TXK: variants seen among roughly 807,000 people sequenced by gnomAD.
TXK encodes TXK tyrosine kinase.
Under a neutral mutation model 81.0 loss-of-function variants are expected in TXK, and 60 were observed. The ratio of observed to expected loss-of-function variants is 0.74; its 90% CI spans 0.60 to 0.92. The LOEUF is 0.92. Among genes scored for constraint, TXK ranks in the 40% least tolerant of loss-of-function variants. The pLI, the probability that TXK is intolerant of heterozygous loss-of-function variation, is 0.00. For missense variants in TXK, 581 were observed against 638.3 expected (o/e 0.91, Z 0.97); for synonymous variants, 203 against 210.7 (o/e 0.96, Z 0.32).
chr4:48,082,394 C>T (rs1232731542), intron 10 of TXK, among the ~76,000 whole-genome samples: 2 of 152,194 alleles, frequency 1.3e-5, no homozygotes, highest in Non-Finnish European at 2.9e-5. Context: ...AACCTTCTAC[C>T]TGGAAGTTTC....
At chr4:48,113,068 A>T in intron 3 of TXK, 139 bp downstream of exon 3, 1 of 502,650 alleles carries the variant, frequency 2.0e-6, no homozygotes, top group Non-Finnish European at 3.5e-6. Flanking sequence ...CTTCTAGAAC[A>T]TTCCTTCACA....
At chr4:48,073,878 A>G in intron 13 of TXK, 57 bp downstream of exon 13, 1 of 1,143,786 alleles carries the variant, frequency 8.7e-7, no homozygotes, top group Non-Finnish European at 1.3e-6. Flanking sequence ...GTTAAAAATA[A>G]CACATTGCCC....
At chr4:48,103,867 C>T (rs1718296687) in intron 6 of TXK, among the ~76,000 whole-genome samples, 1 of 152,014 alleles carries the variant, frequency 6.6e-6, no homozygotes, top group African/African-American at 2.4e-5. Flanking sequence ...CAAGTTTATA[C>T]TTGACTGCCT....
chr4:48,086,676 A>C (rs1343183669), intron 9 of TXK, 39 bp from the exon 10 acceptor site: 2 of 1,579,322 alleles, frequency 1.3e-6, no homozygotes, highest in African/African-American at 2.7e-5. Flanking sequence ...GTAGAAAGAA[A>C]GACTGTTAAA....
chr4:48,092,002 T>G (rs1717794995), intron 8 of TXK, among the ~76,000 whole-genome samples: 2 of 152,164 alleles, frequency 1.3e-5, no homozygotes, highest in Admixed American at 1.3e-4. Context: ...CATTTGATAA[T>G]TAATCAGAAG....
intron 10 of TXK, among the ~76,000 whole-genome samples, chr4:48,086,262 C>T (rs1717525217): frequency 6.6e-6 from 1 of 152,186 alleles, no homozygotes. Context: ...ACTTTCATCC[C>T]ATTTTATAGA....
At chr4:48,121,935 G>A (rs185591574) in intron 1 of TXK, among the ~76,000 whole-genome samples, 65 of 152,042 alleles carry the variant, frequency 4.3e-4, no homozygotes, top group Admixed American at 1.9e-3. Flanking sequence ...GTAAATTTTT[G>A]ATATATATAT....
At chr4:48,092,243 A>G (rs1228648807) in intron 8 of TXK, among the ~76,000 whole-genome samples, 1 of 152,210 alleles carries the variant, frequency 6.6e-6, no homozygotes, top group Non-Finnish European at 1.5e-5. Flanking sequence ...AGGTGAGAAG[A>G]GTAGTGATCA....
intron 11 of TXK, among the ~76,000 whole-genome samples, chr4:48,079,176 T>C (rs1008071584): frequency 2.6e-5 from 4 of 152,238 alleles, no homozygotes; most frequent in African/African-American, 9.6e-5. Context: ...GAGGAATTTA[T>C]AGTTTATAGT....
chr4:48,094,925 C>A (rs528550055), intron 7 of TXK, among the ~76,000 whole-genome samples: 1 of 152,290 alleles, frequency 6.6e-6, no homozygotes, highest in East Asian at 1.9e-4. Context: ...CTAATCTCCC[C>A]CTCTTTACTT....
Position 48,091,552 on chromosome 4 carries a change from C to A in TXK, c.710-1728G>T, listed in dbSNP as rs537332878. ...TGGAGTTTCACTCTTGTTGCCCAGG[C>A]TGGAGTGCAATGGTGTGATCTTGGA... On this transcript the variant is annotated intron_variant, in intron 8 of 14. Coordinates refer to ENST00000264316, the MANE Select transcript of TXK (RefSeq NM_003328.3). 1.3e-3 allele frequency among the ~76,000 whole-genome samples: 198 copies of A among 151,760 alleles called. 1 individual carries two copies. The highest frequency in any genetic ancestry group is 2.4e-3 in the Non-Finnish European group (164 of 67,972).
intron 8 of TXK, among the ~76,000 whole-genome samples, chr4:48,090,576 ATTAT>A (rs1252299225): frequency 6.6e-5 from 10 of 152,306 alleles, no homozygotes; most frequent in African/African-American, 2.4e-4. Context: ...ATAATCATTT[ATTAT>A]TTATTTGTTC....
chr4:48,122,408 T>C (rs1259527933), intron 1 of TXK, among the ~76,000 whole-genome samples: 1 of 152,122 alleles, frequency 6.6e-6, no homozygotes, highest in African/African-American at 2.4e-5. Flanking sequence ...CTCCAATCCC[T>C]CCAAGTCTTT....
intron 6 of TXK, among the ~76,000 whole-genome samples, chr4:48,100,574 C>G (rs1334426059): frequency 6.6e-6 from 1 of 152,218 alleles, no homozygotes; most frequent in Non-Finnish European, 1.5e-5. Flanking sequence ...GGAAAACAGA[C>G]TCGCTTACAT....
At chr4:48,087,794 A>G (rs770549135) in intron 9 of TXK, among the ~76,000 whole-genome samples, 14 of 152,180 alleles carry the variant, frequency 9.2e-5, no homozygotes, top group Non-Finnish European at 1.6e-4. Flanking sequence ...GAATTGGCAT[A>G]AATTTATTCA....
intron 1 of TXK, among the ~76,000 whole-genome samples, chr4:48,116,932 G>A (rs189249900): frequency 6.6e-6 from 1 of 152,208 alleles, no homozygotes; most frequent in East Asian, 1.9e-4. Flanking sequence ...GGCCAGGCTG[G>A]AGTGCAGTGG....
intron 1 of TXK, among the ~76,000 whole-genome samples, chr4:48,127,940 C>G (rs1229794216): frequency 6.6e-6 from 1 of 152,134 alleles, no homozygotes; most frequent in African/African-American, 2.4e-5. Flanking sequence ...TGATTGGGAA[C>G]AGGTTTCCAC....
At chr4:48,069,969 C>G (rs62301687) in intron 14 of TXK, among the ~76,000 whole-genome samples, 4 of 152,172 alleles carry the variant, frequency 2.6e-5, no homozygotes, top group Non-Finnish European at 4.4e-5. Context: ...CTATGTCTTT[C>G]AAGATTCCTT....
chr4:48,083,956 G>T (rs1300682237), intron 10 of TXK, among the ~76,000 whole-genome samples: 1 of 152,182 alleles, frequency 6.6e-6, no homozygotes. Flanking sequence ...ACACAGAAAG[G>T]AGCTAATATG....
Sources: gnomAD v4.1 joint callset for allele counts (sites outside exome capture counted in the v4.1 genomes callset) on GRCh38, gnomAD v4.1.1 for gene constraint, MANE v1.5 for transcripts, NCBI Gene and HGNC (gene_info 2026-07-23, HGNC 2026-07-21) for gene names.